SLC22A24: variants seen among roughly 807,000 people sequenced by gnomAD.
SLC22A24 encodes steroid transmembrane transporter SLC22A24.
A neutral mutation model predicts 49.8 loss-of-function variants in SLC22A24; 53 were observed. That is an observed-to-expected ratio of 1.06 (90% CI 0.85 to 1.34). The LOEUF (loss-of-function observed/expected upper bound fraction) is 1.34, where lower values mean the gene tolerates loss of function less well. SLC22A24 is among the 40% of genes most tolerant of loss of function. The pLI is 0.00. For missense variants in SLC22A24, 786 were observed against 675.9 expected (o/e 1.16, Z -1.81); for synonymous variants, 302 against 256.4 (o/e 1.18, Z -1.70).
Position 63,096,110 on chromosome 11 carries a change from C to A in SLC22A24, c.955-4G>T, listed in dbSNP as rs1483548278. Reference sequence around the variant, plus strand: ...TCTTCATGGTGGATCTCACAAGCTTCAGCAACAAAAATAACAACAAGCATT... The same window carrying A: ...TCTTCATGGTGGATCTCACAAGCTTAAGCAACAAAAATAACAACAAGCATT... On this transcript the variant is annotated splice_polypyrimidine_tract_variant and splice_region_variant and intron_variant, in intron 5 of 9. Coordinates refer to ENST00000612278, the MANE Select transcript of SLC22A24 (RefSeq NM_001136506.2). 6.5e-7 allele frequency: 1 copy of A among 1,534,818 alleles called. No individual in the cohort carries two copies. Among genetic ancestry groups the A allele is most frequent in the South Asian group, 1.2e-5 (1 of 83,738 alleles).
At chr11:63,135,723 A>G (rs566282361) in intron 1 of SLC22A24, among the ~76,000 whole-genome samples, 27 of 152,324 alleles carry the variant, frequency 1.8e-4, no homozygotes, top group African/African-American at 6.3e-4. Flanking sequence ...CAAAAAGCAA[A>G]ACCGAGTGAT....
At chr11:63,123,949 A>T (rs1385490832) in intron 2 of SLC22A24, among the ~76,000 whole-genome samples, 1 of 152,162 alleles carries the variant, frequency 6.6e-6, no homozygotes, top group Non-Finnish European at 1.5e-5. Context: ...AATTCCCCTT[A>T]AAAATAAAGA....
At chr11:63,109,251 G>A (rs1365465498) in intron 4 of SLC22A24, among the ~76,000 whole-genome samples, 2 of 146,542 alleles carry the variant, frequency 1.4e-5, no homozygotes, top group African/African-American at 5.0e-5. Context: ...TATCAGTGTT[G>A]GACATTTGGG....
chr11:63,142,790 C>G (rs1349782703), intron 1 of SLC22A24, among the ~76,000 whole-genome samples: 1 of 152,062 alleles, frequency 6.6e-6, no homozygotes, highest in African/African-American at 2.4e-5. Context: ...ATGATTTCAG[C>G]CCTGATCAGT....
intron 6 of SLC22A24, among the ~76,000 whole-genome samples, chr11:63,090,589 T>A (rs1267714035): frequency 6.6e-6 from 1 of 151,542 alleles, no homozygotes; most frequent in Non-Finnish European, 1.5e-5. Context: ...TTGAACAACC[T>A]GTGCCTGAAT....
chr11:63,125,948 A>G (rs927011601), intron 2 of SLC22A24, among the ~76,000 whole-genome samples: 3 of 152,098 alleles, frequency 2.0e-5, no homozygotes, highest in Admixed American at 6.6e-5. Context: ...TGGCTGCATA[A>G]ATGTCTTCTT....
chr11:63,131,551 G>A (rs753283538), intron 2 of SLC22A24, among the ~76,000 whole-genome samples: 8 of 152,082 alleles, frequency 5.3e-5, no homozygotes, highest in Admixed American at 1.3e-4. Flanking sequence ...TTAGTTTGGC[G>A]GGACGTGAAA....
chr11:63,099,319 C>G (rs925202332), intron 5 of SLC22A24, among the ~76,000 whole-genome samples: 20 of 150,036 alleles, frequency 1.3e-4, no homozygotes, highest in African/African-American at 4.9e-4. Context: ...CATCTCACCC[C>G]CTGAGCAGCT....
At chr11:63,122,549 T>C (rs2087259331) in intron 2 of SLC22A24, among the ~76,000 whole-genome samples, 1 of 152,158 alleles carries the variant, frequency 6.6e-6, no homozygotes, top group Non-Finnish European at 1.5e-5. Flanking sequence ...GGAGTCTTGC[T>C]CTGCCACCAG....
intron 7 of SLC22A24, among the ~76,000 whole-genome samples, chr11:63,082,967 C>A (rs1221662305): frequency 5.9e-5 from 9 of 152,158 alleles, no homozygotes; most frequent in African/African-American, 2.2e-4. Context: ...CTAAAGAAAC[C>A]ATTAGGTGTA....
intron 2 of SLC22A24, among the ~76,000 whole-genome samples, chr11:63,128,103 ATAT>A (rs1435505402): frequency 3.3e-5 from 5 of 151,874 alleles, no homozygotes; most frequent in East Asian, 3.9e-4. Flanking sequence ...TTATATATGA[ATAT>A]TATTAATCAT....
At position 63,118,989 on chromosome 11, in the gene SLC22A24, C is replaced by T; in HGVS notation, c.753G>A (p.Leu251=). The change falls in exon 4 of 10, where the codon CTG becomes CTA. Residue 251 remains leucine, a synonymous_variant. Transcript: ENST00000612278. ...TGTGCCAGTCCTGAATGGCAAAAGC[C>T]AGCCCTCCTAGGAGCATCTGCCCAA... The part of the protein sequence containing the change: ...YSVGQMLLGG[L]AFAIQDWHIL... 6.4e-7 allele frequency: 1 copy of T among 1,551,796 alleles called. No homozygotes were observed. The highest frequency in any genetic ancestry group is 1.2e-5 in the South Asian group (1 of 84,062).
intron 4 of SLC22A24, among the ~76,000 whole-genome samples, chr11:63,110,439 A>C (rs947177372): frequency 2.0e-5 from 3 of 150,866 alleles, no homozygotes; most frequent in Non-Finnish European, 3.0e-5. Context: ...TATCTTGGGC[A>C]GTATGGCCAT....
intron 2 of SLC22A24, among the ~76,000 whole-genome samples, chr11:63,124,773 A>T (rs182814896): frequency 1.3e-5 from 2 of 152,192 alleles, no homozygotes; most frequent in African/African-American, 4.8e-5. Context: ...CTATGCAGCC[A>T]TAAAAAATGA....
At chr11:63,117,474 G>A (rs1238179791) in intron 4 of SLC22A24, among the ~76,000 whole-genome samples, 1 of 152,096 alleles carries the variant, frequency 6.6e-6, no homozygotes, top group Admixed American at 6.6e-5. Context: ...TGCATATGCA[G>A]AGCCCCAAGA....
intron 6 of SLC22A24, among the ~76,000 whole-genome samples, chr11:63,094,689 G>A (rs1033505302): frequency 6.6e-6 from 1 of 152,124 alleles, no homozygotes; most frequent in African/African-American, 2.4e-5. Flanking sequence ...GGTGTGAGAT[G>A]GTATCTCATT....
At chr11:63,111,494 T>C (rs1016578675) in intron 4 of SLC22A24, among the ~76,000 whole-genome samples, 12 of 152,194 alleles carry the variant, frequency 7.9e-5, no homozygotes, top group African/African-American at 2.6e-4. Context: ...TCTTTTTGGT[T>C]GGTAAGCTAT....
intron 7 of SLC22A24, 99 bp downstream of exon 7, chr11:63,083,144 G>A (rs2086968953): frequency 3.2e-6 from 3 of 944,052 alleles, no homozygotes; most frequent in South Asian, 1.6e-5. Context: ...TGGCTGTCAA[G>A]GGCAATGCTG....
At chr11:63,130,370 C>T (rs1391590844) in intron 2 of SLC22A24, among the ~76,000 whole-genome samples, 2 of 152,042 alleles carry the variant, frequency 1.3e-5, no homozygotes, top group African/African-American at 2.4e-5. Context: ...CTGCTGGATT[C>T]GGTTTGCTAA....
Sources: allele counts gnomAD v4.1 joint callset (sites outside exome capture counted in the v4.1 genomes callset), GRCh38; gene constraint gnomAD v4.1.1; transcripts MANE v1.5; gene names NCBI Gene and HGNC (gene_info 2026-07-23, HGNC 2026-07-21).